Variants in CTNNA2 observed in about 807,000 individuals in gnomAD.
The protein encoded by CTNNA2 is catenin alpha-2.
Under a neutral mutation model 101.0 loss-of-function variants are expected in CTNNA2, and 42 were observed. The observed-to-expected ratio is 0.42, with a 90% CI of 0.32 to 0.54. CTNNA2 has a LOEUF of 0.54. Among genes scored for constraint, CTNNA2 ranks in the 20% least tolerant of loss-of-function variants. The pLI is 0.14. For synonymous variants in CTNNA2, 450 were observed against 456.4 expected, an observed-to-expected ratio of 0.99 and a Z score of 0.18; for missense variants, 871 against 1,223.1, an observed-to-expected ratio of 0.71 and a Z score of 4.29.
intron 9 of CTNNA2, among the ~76,000 whole-genome samples, chr2:80,500,404 C>T (rs1573050259): frequency 1.3e-5 from 2 of 152,066 alleles, no homozygotes; most frequent in African/African-American, 4.8e-5. Flanking sequence ...TCCACCCATC[C>T]GCCTACCCAT....
At chr2:79,484,270 G>A (rs1376614629) in intron 4 of CTNNA2, among the ~76,000 whole-genome samples, 3 of 151,734 alleles carry the variant, frequency 2.0e-5, no homozygotes, top group Admixed American at 1.3e-4. Context: ...AAATATAAAT[G>A]TTAATTAATT....
chr2:80,155,047 C>T (rs527339077), intron 7 of CTNNA2, among the ~76,000 whole-genome samples: 17 of 152,158 alleles, frequency 1.1e-4, no homozygotes, highest in Non-Finnish European at 2.4e-4. Flanking sequence ...TTTTGCATTT[C>T]CTGGTCTCTT....
intron 8 of CTNNA2, among the ~76,000 whole-genome samples, chr2:80,406,331 T>G (rs1458111196): frequency 2.2e-5 from 3 of 139,000 alleles, no homozygotes; most frequent in African/African-American, 5.9e-5. Context: ...CAAAACTCCT[T>G]CTCGAAAAAA....
intron 15 of CTNNA2, 138 bp from the exon 16 acceptor site, chr2:80,603,936 G>C (rs1390161012): frequency 3.3e-6 from 2 of 608,008 alleles, no homozygotes; most frequent in Non-Finnish European, 5.6e-6. Context: ...GAGTTAAGCA[G>C]GAAAATATTC....
At position 79,683,916 on chromosome 2, in the gene CTNNA2, C is replaced by T. The variant is rs184784233; in HGVS notation, c.102+32258C>T. Among the ~76,000 whole-genome samples, 13 of 152,302 alleles carry T rather than the reference C, an allele frequency of 8.5e-5. No individual in the cohort carries two copies. The East Asian group carries it at 2.5e-3, about 29-fold the overall frequency. On this transcript the variant is annotated intron_variant, in intron 2 of 18. Coordinates refer to ENST00000402739, the MANE Select transcript of CTNNA2 (RefSeq NM_001282597.3). Reference sequence around the variant, plus strand: ...AAGACCTACTTTTATAGGTGGAAAACAGCAGGTGGCCACAGAGACATAGGA... The same window carrying T: ...AAGACCTACTTTTATAGGTGGAAAATAGCAGGTGGCCACAGAGACATAGGA...
intron 3 of CTNNA2, among the ~76,000 whole-genome samples, chr2:79,353,697 G>T (rs941685578): frequency 1.3e-3 from 194 of 152,176 alleles, no homozygotes; most frequent in African/African-American, 4.4e-3. Flanking sequence ...GTAAAATTTT[G>T]ATCCTGTCAT....
chr2:80,632,263 AC>A (rs201345844), intron 18 of CTNNA2, among the ~76,000 whole-genome samples: 9 of 147,990 alleles, frequency 6.1e-5, no homozygotes, highest in Admixed American at 3.4e-4. Flanking sequence ...TGGCAACATG[AC>A]CCCCCCCACC....
chr2:80,386,696 T>G (rs1226361836), intron 7 of CTNNA2, among the ~76,000 whole-genome samples: 1 of 152,200 alleles, frequency 6.6e-6, no homozygotes, highest in Non-Finnish European at 1.5e-5. Flanking sequence ...TTCTTTCAAA[T>G]GACAACAATT....
At chr2:80,137,251 T>A (rs1387350180) in intron 7 of CTNNA2, among the ~76,000 whole-genome samples, 1 of 152,128 alleles carries the variant, frequency 6.6e-6, no homozygotes, top group African/African-American at 2.4e-5. Context: ...CACTCTACAC[T>A]GAGCCTAATT....
chr2:79,194,205 T>G (rs568406325), intron 1 of CTNNA2, among the ~76,000 whole-genome samples: 1 of 152,270 alleles, frequency 6.6e-6, no homozygotes, highest in African/African-American at 2.4e-5. Context: ...GTAAGAATAC[T>G]GAGAGGGTTT....
At chr2:79,641,901 A>G (rs1424262146) in intron 1 of CTNNA2, among the ~76,000 whole-genome samples, 1 of 152,182 alleles carries the variant, frequency 6.6e-6, no homozygotes, top group Non-Finnish European at 1.5e-5. Flanking sequence ...TGAGTGTGCT[A>G]TTGTAAGTAT....
intron 7 of CTNNA2, among the ~76,000 whole-genome samples, chr2:80,112,267 A>G (rs1382620624): frequency 6.6e-6 from 1 of 152,214 alleles, no homozygotes; most frequent in East Asian, 1.9e-4. Flanking sequence ...TTGATATGTG[A>G]AATTATATTA....
At chr2:80,299,987 G>A (rs947344600) in intron 7 of CTNNA2, among the ~76,000 whole-genome samples, 3 of 152,110 alleles carry the variant, frequency 2.0e-5, no homozygotes, top group Non-Finnish European at 4.4e-5. Flanking sequence ...AAGGTATGCC[G>A]TCTTCTAGAG....
chr2:79,672,236 C>G (rs571684879), intron 2 of CTNNA2, among the ~76,000 whole-genome samples: 1 of 152,034 alleles, frequency 6.6e-6, no homozygotes, highest in Non-Finnish European at 1.5e-5. Flanking sequence ...TATTTTCAGC[C>G]GTTATTTAAT....
intron 7 of CTNNA2, among the ~76,000 whole-genome samples, chr2:80,351,176 A>T (rs1180459622): frequency 6.6e-6 from 1 of 152,104 alleles, no homozygotes; most frequent in Admixed American, 6.6e-5. Flanking sequence ...ACACATACAC[A>T]CGCACAGACA....
At chr2:80,516,947 G>C (rs1235243269) in intron 9 of CTNNA2, among the ~76,000 whole-genome samples, 1 of 152,114 alleles carries the variant, frequency 6.6e-6, no homozygotes, top group Admixed American at 6.5e-5. Flanking sequence ...TCTCATGAGG[G>C]GTAAGTTAAG....
At chr2:79,551,374 AT>A (rs1160839031) in intron 1 of CTNNA2, among the ~76,000 whole-genome samples, 1 of 152,170 alleles carries the variant, frequency 6.6e-6, no homozygotes, top group African/African-American at 2.4e-5. Context: ...TTTGATTAAT[AT>A]TTACTGAATC....
intron 7 of CTNNA2, among the ~76,000 whole-genome samples, chr2:80,080,734 C>G: frequency 6.6e-6 from 1 of 151,954 alleles, no homozygotes; most frequent in East Asian, 1.9e-4. Flanking sequence ...TGCACAGTCC[C>G]CAGTGACCTT....
rs1472407347 is a variant in CTNNA2, at chr2:79,930,355, A to AGAAAGAACGAAC, written c.1056+20561_1056+20562insAGAACGAACGAA. ...AAGAAAGAAAGAAAGAAAGAAAGAA[A>AGAAAGAACGAAC]GAATGAACACGGGTTCTAGCCACCT... On this transcript the variant is annotated intron_variant, in intron 7 of 18. Transcript: ENST00000402739. Among the ~76,000 whole-genome samples, 3 of 104,878 alleles carry AGAAAGAACGAAC rather than the reference A, an allele frequency of 2.9e-5. 1 individual carries two copies. The highest frequency in any genetic ancestry group is 1.0e-4 in the African/African-American group (3 of 30,130). The allele number at this position is 104,878 out of a possible 152,430, so 68.8% of individuals were successfully genotyped here. A position where few individuals can be genotyped will look rare whatever the true frequency, so the allele number is the denominator to read the frequency against.
Sources: allele counts gnomAD v4.1 joint callset (sites outside exome capture counted in the v4.1 genomes callset), GRCh38; gene constraint gnomAD v4.1.1; transcripts MANE v1.5; gene names NCBI Gene and HGNC (gene_info 2026-07-23, HGNC 2026-07-21).